The following MEF2C variants were observed in gnomAD, a reference collection of about 807,000 sequenced individuals.
MEF2C encodes the protein myocyte enhancer factor 2C.
A neutral mutation model predicts 50.5 loss-of-function variants in MEF2C; 6 were observed. The ratio of observed to expected loss-of-function variants is 0.12; its 90% CI spans 0.07 to 0.23. MEF2C has a LOEUF of 0.23. Among genes scored for constraint, MEF2C ranks in the 10% least tolerant of loss-of-function variants. The pLI is 1.00. For missense variants in MEF2C, 276 were observed against 605.0 expected (o/e 0.46, Z 5.70); for synonymous variants, 183 against 228.0 (o/e 0.80, Z 1.78).
intron 6 of MEF2C, chr5:88,743,392 A>G (rs891009530): frequency 5.2e-5 from 51 of 985,214 alleles, no homozygotes; most frequent in Middle Eastern, 1.0e-3. Context: ...GAAATTTTTG[A>G]TAAGTATTCT....
chr5:88,764,548 G>A (rs1027893830), intron 3 of MEF2C, among the ~76,000 whole-genome samples: 9 of 147,674 alleles, frequency 6.1e-5, no homozygotes, highest in African/African-American at 1.7e-4. Context: ...GGTGGCTCTC[G>A]CCTGTAATCC....
intron 6 of MEF2C, chr5:88,739,064 T>A: frequency 1.0e-6 from 1 of 984,628 alleles, no homozygotes; most frequent in Non-Finnish European, 1.2e-6. Flanking sequence ...GCTTACTTAC[T>A]TACTGTCAAT....
intron 6 of MEF2C, chr5:88,738,855 C>T: frequency 1.0e-6 from 1 of 985,236 alleles, no homozygotes; most frequent in Non-Finnish European, 1.2e-6. Flanking sequence ...GATGTTCAAA[C>T]CATATTTCTG....
intron 4 of MEF2C, among the ~76,000 whole-genome samples, chr5:88,757,391 T>G (rs1163768166): frequency 2.0e-5 from 3 of 152,092 alleles, no homozygotes; most frequent in African/African-American, 7.2e-5. Context: ...TGATTAACCA[T>G]TACCAGCTGC....
chr5:88,725,047 T>C (rs923949777), intron 10 of MEF2C, among the ~76,000 whole-genome samples: 2 of 152,140 alleles, frequency 1.3e-5, no homozygotes, highest in Non-Finnish European at 2.9e-5. Context: ...AAGCAGTTAA[T>C]CTAGACAAGG....
chr5:88,737,025 A>T (rs1275179939), intron 6 of MEF2C: 1 of 985,200 alleles, frequency 1.0e-6, no homozygotes, highest in Non-Finnish European at 1.2e-6. Context: ...TAATACACAG[A>T]GTACTAGTTC....
intron 1 of MEF2C, among the ~76,000 whole-genome samples, chr5:88,873,301 G>A (rs1279645482): frequency 6.6e-6 from 1 of 152,054 alleles, no homozygotes; most frequent in Admixed American, 6.6e-5. Flanking sequence ...TTCAAGACAT[G>A]GCATTGGGCT....
At chr5:88,889,729 C>A (rs1033344897) in intron 1 of MEF2C, among the ~76,000 whole-genome samples, 3 of 152,066 alleles carry the variant, frequency 2.0e-5, no homozygotes, top group African/African-American at 7.2e-5. Context: ...GAGGAGGGCG[C>A]AACGGCTGTG....
chr5:88,852,816 G>C (rs890661650), intron 1 of MEF2C, among the ~76,000 whole-genome samples: 1 of 152,200 alleles, frequency 6.6e-6, no homozygotes, highest in Non-Finnish European at 1.5e-5. Context: ...TTGGGAGGCT[G>C]AGGCAGGAGA....
chr5:88,745,890 T>C (rs1769268587), intron 6 of MEF2C, among the ~76,000 whole-genome samples: 2 of 152,242 alleles, frequency 1.3e-5, no homozygotes. Context: ...TTAATTTCCC[T>C]GTGCCTCAGT....
At chr5:88,820,898 T>C (rs900467221) in intron 2 of MEF2C, among the ~76,000 whole-genome samples, 1 of 152,010 alleles carries the variant, frequency 6.6e-6, no homozygotes, top group African/African-American at 2.4e-5. Context: ...CAAGCATTTA[T>C]ATGTAAGATG....
Position 88,728,528 on chromosome 5 carries a change from T to C in MEF2C, c.1065A>G (p.Leu355=), listed in dbSNP as rs1266720439. 1 of 1,534,524 alleles carries C rather than the reference T, an allele frequency of 6.5e-7. No homozygotes were observed. The highest frequency in any genetic ancestry group is 2.0e-5 in the Admixed American group (1 of 50,256). ...GSVTGWQQQH[L]HNMPPSALSQ... ...TGAGGGCAGATGGTGGCATGTTATG[T>C]AGGTGTTGCTGTTGCCAGCCAGTTA... is the stretch of plus-strand genomic sequence containing the variant. Residue 355 remains leucine, a synonymous_variant, in exon 10 of 11, where the codon CTA becomes CTG. Transcript: ENST00000504921.
At chr5:88,746,383 G>GCTAT (rs1478951470) in intron 6 of MEF2C, 1 of 395,012 alleles carries the variant, frequency 2.5e-6, no homozygotes, top group East Asian at 1.6e-4. Context: ...AGTATTTATA[G>GCTAT]GCACAAAATA....
intron 6 of MEF2C, chr5:88,743,907 C>T (rs988660563): frequency 2.2e-6 from 2 of 909,492 alleles, no homozygotes; most frequent in Admixed American, 1.2e-4. Flanking sequence ...ACAATAAATG[C>T]CAATTAAAAT....
intron 3 of MEF2C, among the ~76,000 whole-genome samples, chr5:88,768,210 G>A (rs573798067): frequency 1.3e-5 from 2 of 152,162 alleles, no homozygotes; most frequent in South Asian, 4.1e-4. Flanking sequence ...CTGCTAGATT[G>A]AGAGGTCCTT....
chr5:88,748,465 A>G (rs1446388242), intron 6 of MEF2C, among the ~76,000 whole-genome samples: 1 of 152,226 alleles, frequency 6.6e-6, no homozygotes, highest in Admixed American at 6.5e-5. Context: ...ATTACAAATT[A>G]ACACGGAAAC....
intron 1 of MEF2C, among the ~76,000 whole-genome samples, chr5:88,849,172 T>C (rs115413516): frequency 0.038 from 5,150 of 134,832 alleles, 110 homozygotes; most frequent in Non-Finnish European, 0.042. Flanking sequence ...AAAAAAAAAA[T>C]TCTTGTGCCA....
At chr5:88,733,996 A>G (rs544779219) in intron 6 of MEF2C, 1 of 985,306 alleles carries the variant, frequency 1.0e-6, no homozygotes, top group African/African-American at 1.7e-5. Flanking sequence ...AAGCTGTTAC[A>G]TAAAACAATG....
At chr5:88,764,368 G>A (rs1215194185) in intron 3 of MEF2C, among the ~76,000 whole-genome samples, 4 of 152,178 alleles carry the variant, frequency 2.6e-5, no homozygotes, top group Admixed American at 6.5e-5. Context: ...TCCAAGGTCA[G>A]TCAACGAGTA....
Sources: gnomAD v4.1 joint callset for allele counts (sites outside exome capture counted in the v4.1 genomes callset) on GRCh38, gnomAD v4.1.1 for gene constraint, MANE v1.5 for transcripts, NCBI Gene and HGNC (gene_info 2026-07-23, HGNC 2026-07-21) for gene names.